Variants in KCNQ1 observed in about 807,000 individuals in gnomAD.
The protein encoded by KCNQ1 is potassium voltage-gated channel subfamily KQT member 1.
KCNQ1 carries 49 observed loss-of-function variants against 72.4 expected under a neutral mutation model. The ratio of observed to expected loss-of-function variants is 0.68; its 90% CI spans 0.54 to 0.86. The LOEUF is 0.86. Ranked by LOEUF, KCNQ1 falls within the 40% of genes least tolerant of loss-of-function variation. KCNQ1 has a pLI of 0.00. For missense variants in KCNQ1, 790 were observed against 945.1 expected, an observed-to-expected ratio of 0.84 and a Z score of 2.15; for synonymous variants, 450 against 412.6, an observed-to-expected ratio of 1.09 and a Z score of -1.10.
rs1849169361 is a variant in KCNQ1, at chr11:2,621,375, G to C, written c.1393+32521G>C. On this transcript the variant is annotated intron_variant, in intron 10 of 15. Transcript: ENST00000155840. This position sits in a 1 kb window ranked among gnomAD's most constrained non-coding sequence, Gnocchi z 5.7. ...TAAGAAATGTATGTTCCTGTCCTTT[G>C]CCAATTCAATTGGATTATTCGTTTT... is the stretch of plus-strand genomic sequence containing the variant. 1 of 398,390 alleles carries C rather than the reference G, an allele frequency of 2.5e-6. No homozygotes were observed. Among genetic ancestry groups the C allele is most frequent in the Non-Finnish European group, 4.4e-6 (1 of 226,036 alleles). 24.7% of individuals were successfully genotyped at this position (398,390 alleles called of 1,614,324 possible). A position where few individuals can be genotyped will look rare whatever the true frequency, so the allele number is the denominator to read the frequency against.
At chr11:2,520,304 A>G (rs1847359269) in intron 1 of KCNQ1, among the ~76,000 whole-genome samples, 1 of 152,164 alleles carries the variant, frequency 6.6e-6, no homozygotes, top group Admixed American at 6.5e-5. Context: ...CACCTTCCAC[A>G]TGGGGTTCAG....
intron 15 of KCNQ1, among the ~76,000 whole-genome samples, chr11:2,821,041 G>C (rs1847723437): frequency 6.6e-6 from 1 of 152,220 alleles, no homozygotes; most frequent in Admixed American, 6.5e-5. Flanking sequence ...GCAGCTGCCT[G>C]AACCTCCCTC....
intron 2 of KCNQ1, among the ~76,000 whole-genome samples, chr11:2,533,136 C>A (rs759540121): frequency 2.0e-5 from 3 of 152,242 alleles, no homozygotes; most frequent in Non-Finnish European, 2.9e-5. Context: ...TGGATCAAAG[C>A]GATGTGTTCC....
chr11:2,699,880 C>T (rs368714233), intron 11 of KCNQ1: 34 of 398,386 alleles, frequency 8.5e-5, no homozygotes, highest in East Asian at 5.4e-4. Context: ...TGAGGAGCCC[C>T]GGGGAGGACC....
Position 2,654,312 on chromosome 11 carries a change from G to T in KCNQ1, c.1394-7649G>T. The T allele has an allele frequency of 2.5e-6, 1 of 398,840 alleles. No homozygotes were observed. Among genetic ancestry groups the T allele is most frequent in the Non-Finnish European group, 4.4e-6 (1 of 226,288 alleles). 24.7% of individuals were successfully genotyped at this position (398,840 alleles called of 1,614,324 possible). A position where few individuals can be genotyped will look rare whatever the true frequency, so the allele number is the denominator to read the frequency against. On this transcript the variant is annotated intron_variant, in intron 10 of 15. Transcript: ENST00000155840. The surrounding 1 kb of genome is among the most constrained non-coding windows in gnomAD (Gnocchi z 6.4). ...CACTGAGAGGGGGAGATTTCTTGAG[G>T]GGGCCAGGGAGGGGGCTTCTACTTG... is the stretch of plus-strand genomic sequence containing the variant.
chr11:2,777,731 C>T (rs1846735637), intron 14 of KCNQ1: 3 of 608,716 alleles, frequency 4.9e-6, no homozygotes, highest in Non-Finnish European at 8.8e-6. Context: ...CTAGGGCTCT[C>T]AGAGGTCAGA....
At chr11:2,774,266 G>A (rs1343103087) in intron 12 of KCNQ1, among the ~76,000 whole-genome samples, 1 of 152,206 alleles carries the variant, frequency 6.6e-6, no homozygotes, top group Non-Finnish European at 1.5e-5. Flanking sequence ...GGGCCAGAGG[G>A]TCTGCCTAGA....
At chr11:2,798,168 C>CAAACCCACATGGCAG (rs1847177782) in intron 15 of KCNQ1, among the ~76,000 whole-genome samples, 1 of 152,188 alleles carries the variant, frequency 6.6e-6, no homozygotes, top group African/African-American at 2.4e-5. Flanking sequence ...CTGCATGGTG[C>CAAACCCACATGGCAG]AAACCCACAT....
intron 11 of KCNQ1, among the ~76,000 whole-genome samples, chr11:2,706,080 G>T (rs2133912232): frequency 6.6e-6 from 1 of 152,350 alleles, no homozygotes; most frequent in African/African-American, 2.4e-5. Flanking sequence ...CCTACCTGGG[G>T]TACCGTGTGG....
chr11:2,816,071 G>A lies in KCNQ1; in HGVS notation c.1795-31696G>A, dbSNP rs907854842. ...TGTGGACGGCTGGCGGCCGGGGCTT[G>A]GGAGATCAAGAAGTCCCTGAGGAAG... On this transcript the variant is annotated intron_variant, in intron 15 of 15. Coordinates refer to ENST00000155840, the MANE Select transcript of KCNQ1 (RefSeq NM_000218.3). The surrounding 1 kb of genome is among the most constrained non-coding windows in gnomAD (Gnocchi z 6.8). Among the ~76,000 whole-genome samples, 1 of 152,152 alleles carries A rather than the reference G, an allele frequency of 6.6e-6. No individual in the cohort carries two copies. Among genetic ancestry groups the A allele is most frequent in the African/African-American group, 2.4e-5 (1 of 41,422 alleles).
At chr11:2,770,922 C>A (rs1197637389) in intron 12 of KCNQ1, among the ~76,000 whole-genome samples, 2 of 152,246 alleles carry the variant, frequency 1.3e-5, no homozygotes, top group African/African-American at 4.8e-5. Context: ...CTGGGCAGGG[C>A]AGTCCCCCGA....
chr11:2,653,939 C>T lies in KCNQ1; in HGVS notation c.1394-8022C>T. The T allele has an allele frequency of 5.0e-6, 2 of 398,694 alleles. No individual in the cohort carries two copies. Among genetic ancestry groups the T allele is most frequent in the South Asian group, 2.5e-4 (2 of 7,856 alleles). The allele number at this position is 398,694 out of a possible 1,614,324, so 24.7% of individuals were successfully genotyped here. Reference sequence around the variant, plus strand: ...CCCAGAAGCCAGGCCTGGCTGCTGGCAGGCAAAAACAACAGGTGTCCACTC... The same window carrying T: ...CCCAGAAGCCAGGCCTGGCTGCTGGTAGGCAAAAACAACAGGTGTCCACTC... On this transcript the variant is annotated intron_variant, in intron 10 of 15. Transcript: ENST00000155840. The surrounding 1 kb of genome is among the most constrained non-coding windows in gnomAD (Gnocchi z 5.3).
In KCNQ1 at chr11:2,808,937, A is replaced by G. The variant is rs886813417; in HGVS notation, c.1794+30900A>G. On this transcript the variant is annotated intron_variant, in intron 15 of 15. Coordinates refer to ENST00000155840, the MANE Select transcript of KCNQ1 (RefSeq NM_000218.3). The surrounding 1 kb of genome is among the most constrained non-coding windows in gnomAD (Gnocchi z 6.0). ...AATAGATGGGTGGACAGATGGAAGG[A>G]TGGATGGATATATGGATGCATGGAG... is the stretch of plus-strand genomic sequence containing the variant. Among the ~76,000 whole-genome samples, 9 of 151,116 alleles carry G rather than the reference A, an allele frequency of 6.0e-5. No individual in the cohort carries two copies. The highest frequency in any genetic ancestry group is 8.9e-5 in the Non-Finnish European group (6 of 67,772).
chr11:2,837,570 G>A (rs458069), intron 15 of KCNQ1, among the ~76,000 whole-genome samples: 2 of 152,094 alleles, frequency 1.3e-5, no homozygotes, highest in South Asian at 2.1e-4. Context: ...TCGGGGAGGC[G>A]GCCTCTAAGA....
At chr11:2,778,832 C>T (rs1331046472) in intron 15 of KCNQ1, among the ~76,000 whole-genome samples, 13 of 152,214 alleles carry the variant, frequency 8.5e-5, no homozygotes, top group Non-Finnish European at 1.3e-4. Context: ...TCCCTGGCAA[C>T]GCCTGGCTCT....
rs1268731146 is a variant in KCNQ1, at chr11:2,478,357, G to T, written c.386+32873G>T. On this transcript the variant is annotated intron_variant, in intron 1 of 15. Coordinates refer to ENST00000155840, the MANE Select transcript of KCNQ1 (RefSeq NM_000218.3). This position sits in a 1 kb window ranked among gnomAD's most constrained non-coding sequence, Gnocchi z 4.0. ...AGTCCATTTTCAAATTACTGATAAA[G>T]ACATACCTGAGACTGGATAATTTAT... Among the ~76,000 whole-genome samples the T allele has an allele frequency of 6.6e-6, 1 of 152,168 alleles. No homozygotes were observed. Among genetic ancestry groups the T allele is most frequent in the Non-Finnish European group, 1.5e-5 (1 of 68,036 alleles).
intron 2 of KCNQ1, among the ~76,000 whole-genome samples, chr11:2,532,727 G>A (rs1057220905): frequency 5.3e-5 from 8 of 152,158 alleles, no homozygotes; most frequent in Admixed American, 4.6e-4. Flanking sequence ...AGCTTCCAGC[G>A]GACAGCAGGC....
chr11:2,504,939 A>C (rs894689656), intron 1 of KCNQ1, among the ~76,000 whole-genome samples: 17 of 152,158 alleles, frequency 1.1e-4, no homozygotes, highest in Non-Finnish European at 2.2e-4. Context: ...AAAAAGAAAA[A>C]GAGCTTATGG....
At position 2,624,354 on chromosome 11, in the gene KCNQ1, C is replaced by A. The variant is rs766068814; in HGVS notation, c.1393+35500C>A. On this transcript the variant is annotated intron_variant, in intron 10 of 15. Coordinates refer to ENST00000155840, the MANE Select transcript of KCNQ1 (RefSeq NM_000218.3). The surrounding 1 kb of genome is among the most constrained non-coding windows in gnomAD (Gnocchi z 4.9). The stretch of plus-strand genomic sequence containing the variant: ...GTATATCTTTTACAAGTATTGTCTC[C>A]CTTCTGTGGCCTGTCCTTTCATCCT... 19 of 398,272 alleles carry A rather than the reference C, an allele frequency of 4.8e-5. No homozygotes were observed. The highest frequency in any genetic ancestry group is 6.2e-5 in the Non-Finnish European group (14 of 226,010). 24.7% of individuals were successfully genotyped at this position (398,272 alleles called of 1,614,324 possible). A position where few individuals can be genotyped will look rare whatever the true frequency, so the allele number is the denominator to read the frequency against.
Sources: gnomAD v4.1 joint callset for allele counts (sites outside exome capture counted in the v4.1 genomes callset) on GRCh38, gnomAD v4.1.1 for gene constraint, Gnocchi (gnomAD v3.1) non-coding constraint, MANE v1.5 for transcripts, NCBI Gene and HGNC (gene_info 2026-07-23, HGNC 2026-07-21) for gene names.